Variants in DYNC2H1 observed in about 807,000 individuals in gnomAD.
DYNC2H1 encodes the protein cytoplasmic dynein 2 heavy chain 1.
A neutral mutation model predicts 570.0 loss-of-function variants in DYNC2H1; 410 were observed. That is an observed-to-expected ratio of 0.72 (90% CI 0.66 to 0.78). The LOEUF (loss-of-function observed/expected upper bound fraction) is 0.78. Among genes scored for constraint, DYNC2H1 ranks in the 30% least tolerant of loss-of-function variants. The probability of loss-of-function intolerance (pLI) is 0.00; values close to 1 mark genes in which losing one functional copy is unlikely to be tolerated. For missense variants in DYNC2H1, 4,865 were observed against 5,046.4 expected, an observed-to-expected ratio of 0.96 and a Z score of 1.09; for synonymous variants, 1,688 against 1,677.6, an observed-to-expected ratio of 1.01 and a Z score of -0.15.
At chr11:103,409,150 G>T (rs191420774) in intron 84 of DYNC2H1, among the ~76,000 whole-genome samples, 1 of 151,910 alleles carries the variant, frequency 6.6e-6, no homozygotes. Context: ...AAACAGGCAG[G>T]GTAAGATTTG....
chr11:103,263,176 G>T (rs747699277), intron 70 of DYNC2H1, among the ~76,000 whole-genome samples: 1 of 151,886 alleles, frequency 6.6e-6, no homozygotes, highest in Non-Finnish European at 1.5e-5. Flanking sequence ...ATATATATGC[G>T]CCCAGTACAG....
chr11:103,442,428 A>G (rs1944300150), intron 85 of DYNC2H1, among the ~76,000 whole-genome samples: 1 of 152,134 alleles, frequency 6.6e-6, no homozygotes. Context: ...TTTTATTCAG[A>G]AAAATAAAGC....
At position 103,325,278 on chromosome 11, in the gene DYNC2H1, T is replaced by G. The variant is rs12275137; in HGVS notation, c.12039+1288T>G. On this transcript the variant is annotated intron_variant, in intron 82 of 88. Transcript: ENST00000375735. This position sits in a 1 kb window ranked among gnomAD's most constrained non-coding sequence, Gnocchi z 4.8. ...GTTGGCATCTTTGTCATGAAATTTT[T>G]GGGCCAGGGCCAATGTTCAGAATTG... is the stretch of plus-strand genomic sequence containing the variant. Among the ~76,000 whole-genome samples the G allele has an allele frequency of 0.031, 4,701 of 152,316 alleles. 237 individuals carry two copies. Among genetic ancestry groups the G allele is most frequent in the African/African-American group, 0.11 (4,463 of 41,532 alleles).
At position 103,176,325 on chromosome 11, in the gene DYNC2H1, T is replaced by C. The variant is rs181066452; in HGVS notation, c.5765T>C (p.Ile1922Thr). The C allele has an allele frequency of 1.3e-6, 2 of 1,572,716 alleles. No homozygotes were observed. Among genetic ancestry groups the C allele is most frequent in the East Asian group, 2.3e-5 (1 of 42,892 alleles). ...GATTGCACCCGGTTTGATGCACTGA[T>C]AAAAGATGTCTTTCCGGGAATTGAA... ...FTDCTRFDAL[I>T]KDVFPGIELK... Residue 1922 changes from isoleucine (I) to threonine (T), a missense_variant, in exon 37 of 89, where the codon ATA becomes ACA. Coordinates refer to ENST00000375735, the MANE Select transcript of DYNC2H1 (RefSeq NM_001377.3).
intron 84 of DYNC2H1, chr11:103,405,128 A>C (rs1591696245): frequency 6.6e-6 from 1 of 151,846 alleles, no homozygotes; most frequent in African/African-American, 2.4e-5. Context: ...TATAGACTTC[A>C]GGGTGACCAA....
intron 30 of DYNC2H1, 133 bp from the exon 31 acceptor site, chr11:103,165,765 T>C: frequency 1.5e-6 from 1 of 649,252 alleles, no homozygotes; most frequent in Admixed American, 3.8e-5. Flanking sequence ...ATATTTAAGG[T>C]TCCAGTATGA....
intron 1 of DYNC2H1, among the ~76,000 whole-genome samples, chr11:103,110,014 C>A (rs1858034027): frequency 6.6e-6 from 1 of 152,154 alleles, no homozygotes. Context: ...TGAATAGAAG[C>A]AATTAGATTG....
At chr11:103,198,703 G>A (rs911995780) in intron 48 of DYNC2H1, among the ~76,000 whole-genome samples, 5 of 152,162 alleles carry the variant, frequency 3.3e-5, no homozygotes, top group Admixed American at 6.5e-5. Flanking sequence ...AGCGTTGAAA[G>A]TTGTTAAATA....
intron 83 of DYNC2H1, among the ~76,000 whole-genome samples, chr11:103,359,316 T>C (rs1047965005): frequency 2.6e-5 from 4 of 152,204 alleles, no homozygotes; most frequent in Non-Finnish European, 5.9e-5. Context: ...ACTAAGCCAC[T>C]TTTTTTTAAA....
At chr11:103,240,593 C>A (rs1864390306) in intron 63 of DYNC2H1, among the ~76,000 whole-genome samples, 1 of 152,078 alleles carries the variant, frequency 6.6e-6, no homozygotes, top group Non-Finnish European at 1.5e-5. Flanking sequence ...TTCAACTAAT[C>A]TTCTCAAATC....
intron 88 of DYNC2H1, among the ~76,000 whole-genome samples, chr11:103,476,354 A>G (rs1291541371): frequency 2.0e-5 from 3 of 152,184 alleles, no homozygotes; most frequent in Non-Finnish European, 4.4e-5. Context: ...TCTGAAGTAT[A>G]TATTTTCCCA....
At chr11:103,207,793 G>T (rs1351292813) in intron 52 of DYNC2H1, among the ~76,000 whole-genome samples, 1 of 152,064 alleles carries the variant, frequency 6.6e-6, no homozygotes, top group African/African-American at 2.4e-5. Flanking sequence ...TTGAGTAGGT[G>T]GTGACTTAGA....
rs1251678433 is a variant in DYNC2H1 at position 103,455,427 on chromosome 11, A to T, written c.12566+132A>T. The T allele has an allele frequency of 5.5e-6, 4 of 723,558 alleles. No homozygotes were observed. In the East Asian group the frequency reaches 8.1e-5, roughly 15 times the overall value. 44.8% of individuals were successfully genotyped at this position (723,558 alleles called of 1,614,324 possible). On this transcript the variant is annotated intron_variant, in intron 86 of 88. Coordinates refer to ENST00000375735, the MANE Select transcript of DYNC2H1 (RefSeq NM_001377.3). ...TGAAACACAGTTATGTTATTTTCTT[A>T]TTCTCTACTTTAAATCATACAGTTA...
At position 103,280,670 on chromosome 11, in the gene DYNC2H1, T is replaced by TA. The variant is rs1866095108; in HGVS notation, c.10761+258dup. On this transcript the variant is annotated intron_variant, in intron 71 of 88. Transcript: ENST00000375735. This position sits in a 1 kb window ranked among gnomAD's most constrained non-coding sequence, Gnocchi z 4.7. ...ACATTTTTCTGAACCCAAGTTCACT[T>TA]ACTTAGGGCAACAGAAGAGTCAGCC... Among the ~76,000 whole-genome samples the TA allele has an allele frequency of 6.6e-6, 1 of 152,088 alleles. No individual in the cohort carries two copies. The highest frequency in any genetic ancestry group is 1.5e-5 in the Non-Finnish European group (1 of 67,964).
chr11:103,327,778 ATGTGGG>A (rs1261277195), intron 82 of DYNC2H1, among the ~76,000 whole-genome samples: 2 of 152,176 alleles, frequency 1.3e-5, no homozygotes, highest in Non-Finnish European at 2.9e-5. Flanking sequence ...AGAGCCAAGG[ATGTGGG>A]GGTCATCTTG....
intron 87 of DYNC2H1, among the ~76,000 whole-genome samples, chr11:103,462,341 A>G (rs960675834): frequency 6.6e-6 from 1 of 152,116 alleles, no homozygotes; most frequent in Non-Finnish European, 1.5e-5. Context: ...AAAATACTTC[A>G]TAAGTGGCAC....
chr11:103,315,638 G>A (rs1937781915), intron 79 of DYNC2H1, among the ~76,000 whole-genome samples: 1 of 151,978 alleles, frequency 6.6e-6, no homozygotes, highest in Non-Finnish European at 1.5e-5. Context: ...CTCCCCATTA[G>A]GGTGACTTTC....
Position 103,236,534 on chromosome 11 carries a change from T to A in DYNC2H1, c.9814T>A (p.Leu3272Ile), listed in dbSNP as rs200342335. 4.0e-4 allele frequency: 594 copies of A among 1,503,502 alleles called. 1 individual carries two copies. The African/African-American group carries it at 7.4e-3, about 19-fold the overall frequency. The allele number at this position is 1,503,502 out of a possible 1,614,324, so 93.1% of individuals were successfully genotyped here. The change falls in exon 63 of 89, where the codon TTA (leucine) becomes ATA (isoleucine). Residue 3272 changes from leucine to isoleucine, a missense_variant. Physicochemically the swap from Leu to Ile is conservative, Grantham distance 5. This residue lies in a region of DYNC2H1 where 2,401 missense variants were observed against 2,454.6 expected (regional missense o/e 0.98). Coordinates refer to ENST00000375735, the MANE Select transcript of DYNC2H1 (RefSeq NM_001377.3). ...DLSIENALVI[L>I]QSRVCPFLID... The stretch of plus-strand genomic sequence containing the variant: ...TTCCATAGAAAATGCTCTTGTAATA[T>A]TACAGGTAGTTAATTTATTTTAATT...
intron 48 of DYNC2H1, among the ~76,000 whole-genome samples, chr11:103,198,574 A>G (rs1365018551): frequency 6.6e-6 from 1 of 152,196 alleles, no homozygotes; most frequent in Non-Finnish European, 1.5e-5. Flanking sequence ...ACAGTATTGC[A>G]AATGATTGCT....
Sources: gnomAD v4.1 joint callset for allele counts (sites outside exome capture counted in the v4.1 genomes callset) on GRCh38, gnomAD v4.1.1 for gene constraint, gnomAD v4.1.1 regional missense constraint, Gnocchi (gnomAD v3.1) non-coding constraint, MANE v1.5 for transcripts, NCBI Gene and HGNC (gene_info 2026-07-23, HGNC 2026-07-21) for gene names.